The following SMOC2 variants were observed in gnomAD, a reference collection of about 807,000 sequenced individuals.
SMOC2 encodes SPARC-related modular calcium-binding protein 2.
In SMOC2, 39 loss-of-function variants were observed where a neutral mutation model predicts 61.4. The observed-to-expected ratio is 0.64, with a 90% confidence interval of 0.49 to 0.83. The LOEUF (loss-of-function observed/expected upper bound fraction) is 0.83. Ranked by LOEUF, SMOC2 falls within the 40% of genes least tolerant of loss-of-function variation. The pLI is 0.00. For missense variants in SMOC2, 556 were observed against 592.9 expected (o/e 0.94, Z 0.65); for synonymous variants, 247 against 239.9 (o/e 1.03, Z -0.27).
intron 8 of SMOC2, among the ~76,000 whole-genome samples, chr6:168,604,498 G>A (rs572561284): frequency 2.6e-5 from 4 of 152,186 alleles, no homozygotes; most frequent in Admixed American, 6.5e-5. Context: ...TAACCAGGTC[G>A]CATTTCTATT....
intron 1 of SMOC2, among the ~76,000 whole-genome samples, chr6:168,505,012 G>A (rs1782830367): frequency 6.6e-6 from 1 of 152,156 alleles, no homozygotes; most frequent in African/African-American, 2.4e-5. Context: ...CGAGATGAAT[G>A]AGTGAATGAA....
chr6:168,562,641 G>C (rs1784447604), intron 7 of SMOC2, among the ~76,000 whole-genome samples: 1 of 152,188 alleles, frequency 6.6e-6, no homozygotes, highest in Admixed American at 6.5e-5. Context: ...AGCTTGCCTT[G>C]TTTATTGTCA....
At chr6:168,629,901 C>G (rs1331987532) in intron 9 of SMOC2, among the ~76,000 whole-genome samples, 2 of 152,222 alleles carry the variant, frequency 1.3e-5, no homozygotes, top group Non-Finnish European at 2.9e-5. Flanking sequence ...ATCTTACTTA[C>G]ATTCCCTTTC....
At position 168,570,655 on chromosome 6, in the gene SMOC2, GT is replaced by G. The variant is rs565806511; in HGVS notation, c.637+21453del. 4.6e-5 allele frequency among the ~76,000 whole-genome samples: 7 copies of G among 152,284 alleles called. No individual in the cohort carries two copies. In the South Asian group the frequency reaches 1.5e-3, roughly 32 times the overall value. ...ATGGGCCTTGTTTCCAACAAGATAT[GT>G]AGGAAATTTTTCACCCTTAGGAGAG... On this transcript the variant is annotated intron_variant, in intron 7 of 12. Transcript: ENST00000356284.
Position 168,478,306 on chromosome 6 carries a change from A to G in SMOC2, c.85-31609A>G, listed in dbSNP as rs568539798. Among the ~76,000 whole-genome samples the G allele has an allele frequency of 5.3e-5, 8 of 152,192 alleles. No homozygotes were observed. The South Asian group carries it at 8.3e-4, about 16-fold the overall frequency. On this transcript the variant is annotated intron_variant, in intron 1 of 12. Coordinates refer to ENST00000356284, the MANE Select transcript of SMOC2 (RefSeq NM_001166412.2). Reference sequence around the variant, plus strand: ...GTCTCCTGGTGTAGCCAAGAAAATGATGGTGGTAGGAATTTGGCTAGAGAA... The same window carrying G: ...GTCTCCTGGTGTAGCCAAGAAAATGGTGGTGGTAGGAATTTGGCTAGAGAA...
intron 7 of SMOC2, among the ~76,000 whole-genome samples, chr6:168,559,078 A>G (rs1410135059): frequency 3.9e-5 from 6 of 152,250 alleles, no homozygotes; most frequent in Admixed American, 3.3e-4. Context: ...ACATGTTGTT[A>G]TGAAATTTGT....
chr6:168,601,928 G>A (rs999500842), intron 8 of SMOC2, among the ~76,000 whole-genome samples: 1 of 152,162 alleles, frequency 6.6e-6, no homozygotes, highest in African/African-American at 2.4e-5. Context: ...TCCTATTTCT[G>A]CCTACAGAAG....
rs374299859 is a variant in SMOC2 at position 168,538,355 on chromosome 6, G to A, written c.464-5270G>A. 3.9e-5 allele frequency among the ~76,000 whole-genome samples: 5 copies of A among 126,964 alleles called. No homozygotes were observed. In the South Asian group the frequency reaches 8.7e-4, roughly 22 times the overall value. The allele number at this position is 126,964 out of a possible 152,430, so 83.3% of individuals were successfully genotyped here. ...GGTGACCGCTGCTGGAATGTGGGGA[G>A]TGGGGTGACCCCTGCTGGAATGTGG... On this transcript the variant is annotated intron_variant, in intron 4 of 12. Transcript: ENST00000356284.
At chr6:168,583,923 G>A (rs1351697924) in intron 7 of SMOC2, among the ~76,000 whole-genome samples, 1 of 152,236 alleles carries the variant, frequency 6.6e-6, no homozygotes, top group African/African-American at 2.4e-5. Flanking sequence ...CTCCGTCAGG[G>A]ATGAGGCTGT....
At chr6:168,460,329 C>T (rs1781692160) in intron 1 of SMOC2, among the ~76,000 whole-genome samples, 1 of 152,210 alleles carries the variant, frequency 6.6e-6, no homozygotes, top group Non-Finnish European at 1.5e-5. Flanking sequence ...ATAATAGACA[C>T]TTTGAAAAGT....
At chr6:168,490,654 A>C (rs190413063) in intron 1 of SMOC2, among the ~76,000 whole-genome samples, 6 of 152,340 alleles carry the variant, frequency 3.9e-5, no homozygotes, top group Admixed American at 2.6e-4. Context: ...TTAAAATGTC[A>C]TGTGGACACC....
chr6:168,645,840 G>C (rs76387531), intron 9 of SMOC2, among the ~76,000 whole-genome samples: 1 of 152,178 alleles, frequency 6.6e-6, no homozygotes, highest in African/African-American at 2.4e-5. Context: ...CATTCCCGGG[G>C]TCCCTGGCTG....
rs545253362 is a variant in SMOC2, at chr6:168,464,161, A to G, written c.84+22707A>G. Reference sequence around the variant, plus strand: ...TGCTGAGATCATGCCACTGCACTCCATCCTGGGCAACAGAGCAAGACTGTC... The same window carrying G: ...TGCTGAGATCATGCCACTGCACTCCGTCCTGGGCAACAGAGCAAGACTGTC... On this transcript the variant is annotated intron_variant, in intron 1 of 12. Coordinates refer to ENST00000356284, the MANE Select transcript of SMOC2 (RefSeq NM_001166412.2). 2.7e-3 allele frequency among the ~76,000 whole-genome samples: 378 copies of G among 140,068 alleles called. 2 individuals are homozygous for G. The highest frequency in any genetic ancestry group is 4.8e-3 in the Non-Finnish European group (316 of 66,496). 91.9% of individuals were successfully genotyped at this position (140,068 alleles called of 152,430 possible).
intron 9 of SMOC2, among the ~76,000 whole-genome samples, chr6:168,638,238 T>C (rs201337991): frequency 8.7e-6 from 1 of 115,580 alleles, no homozygotes; most frequent in Non-Finnish European, 2.0e-5. Context: ...ATGTTGTTAT[T>C]GTTATTATTA....
intron 1 of SMOC2, among the ~76,000 whole-genome samples, chr6:168,449,387 A>G (rs1781408901): frequency 6.6e-6 from 1 of 152,202 alleles, no homozygotes; most frequent in South Asian, 2.1e-4. Context: ...CCTTTTAAAT[A>G]AGAGAATTAC....
At chr6:168,656,232 A>T (rs1371897078) in intron 11 of SMOC2, among the ~76,000 whole-genome samples, 1 of 151,980 alleles carries the variant, frequency 6.6e-6, no homozygotes, top group East Asian at 1.9e-4. Context: ...TCCTCCTGGC[A>T]AGTCACGGTG....
chr6:168,485,286 C>CTT (rs1027085969), intron 1 of SMOC2, among the ~76,000 whole-genome samples: 4 of 152,042 alleles, frequency 2.6e-5, no homozygotes, highest in Non-Finnish European at 5.9e-5. Flanking sequence ...AAAGTTTAAT[C>CTT]AGAGTTCTCT....
At chr6:168,664,567 C>G (rs1473367652) in intron 12 of SMOC2, 1 of 385,314 alleles carries the variant, frequency 2.6e-6, no homozygotes, top group African/African-American at 2.1e-5. Flanking sequence ...TCCATTTTGT[C>G]AGGGAGGTTG....
At chr6:168,550,435 GAGGGA>G (rs1784105393) in intron 7 of SMOC2, among the ~76,000 whole-genome samples, 1 of 152,188 alleles carries the variant, frequency 6.6e-6, no homozygotes, top group African/African-American at 2.4e-5. Context: ...AAGGACCCTT[GAGGGA>G]AGTGCCTGAG....
Sources: gnomAD v4.1 joint callset for allele counts (sites outside exome capture counted in the v4.1 genomes callset) on GRCh38, gnomAD v4.1.1 for gene constraint, MANE v1.5 for transcripts, NCBI Gene and HGNC (gene_info 2026-07-23, HGNC 2026-07-21) for gene names.